Variants in SEPTIN12 observed in about 807,000 individuals in gnomAD.
The protein encoded by SEPTIN12 is septin-12.
A neutral mutation model predicts 37.7 loss-of-function variants in SEPTIN12; 42 were observed. The ratio of observed to expected loss-of-function variants is 1.11; its 90% CI spans 0.87 to 1.44. The LOEUF (loss-of-function observed/expected upper bound fraction) is 1.44, where lower values mean the gene tolerates loss of function less well. Among genes scored for constraint, SEPTIN12 ranks in the 40% most tolerant of loss-of-function variants. The pLI, the probability that SEPTIN12 is intolerant of heterozygous loss-of-function variation, is 0.00. For synonymous variants in SEPTIN12, 254 were observed against 196.7 expected, an observed-to-expected ratio of 1.29 and a Z score of -2.44; for missense variants, 613 against 479.2, an observed-to-expected ratio of 1.28 and a Z score of -2.61.
chr16:4,788,715 T>A (rs1035804061), upstream of SEPTIN12: 1 of 152,238 alleles, frequency 6.6e-6, no homozygotes, highest in Non-Finnish European at 1.5e-5. Context: ...ACTCTGCACA[T>A]GGCATCGTTC....
At chr16:4,784,365 A>C in intron 4 of SEPTIN12, 1 of 383,728 alleles carries the variant, frequency 2.6e-6, no homozygotes, top group Non-Finnish European at 4.9e-6. Flanking sequence ...GCTGGGCCCA[A>C]ACCACCAAGG....
upstream of SEPTIN12, chr16:4,789,884 TTTTC>T (rs1567580202): frequency 6.6e-6 from 1 of 152,032 alleles, no homozygotes; most frequent in African/African-American, 2.4e-5. Flanking sequence ...TCTCTTTCTT[TTTTC>T]TTTCTTTTCT....
chr16:4,788,614 G>A (rs1300992787), upstream of SEPTIN12: 1 of 152,212 alleles, frequency 6.6e-6, no homozygotes, highest in Non-Finnish European at 1.5e-5. Flanking sequence ...TGGCTAGCGG[G>A]ATATCCGTGT....
intron 2 of SEPTIN12, 128 bp from the exon 3 acceptor site, chr16:4,786,233 A>ATGTCACCCAGGCTGGAG: frequency 8.3e-7 from 1 of 1,205,720 alleles, no homozygotes; most frequent in South Asian, 1.6e-5. Context: ...GAGTGCAATG[A>ATGTCACCCAGGCTGGAG]TGCAATCCCC....
chr16:4,781,405 C>A (rs2082370171), intron 7 of SEPTIN12, among the ~76,000 whole-genome samples: 1 of 151,928 alleles, frequency 6.6e-6, no homozygotes, highest in Non-Finnish European at 1.5e-5. Context: ...TCATCACGTC[C>A]CCCCAAAAAA....
rs545892006 is a variant in SEPTIN12 at position 4,787,604 on chromosome 16, C to T, written c.42G>A (p.Ser14=). The T allele has an allele frequency of 1.9e-5, 31 of 1,603,726 alleles. No homozygotes were observed. The highest frequency in any genetic ancestry group is 8.3e-5 in the Admixed American group (5 of 59,928). ...GTGGGGTGCTGGGGCTGGAGGGCTG[C>T]GAGGACAGGCAGGGAGAGGGGGAGC... ...LRRSPSPCLS[S]QPSSPSTPPC... Residue 14 remains serine (S), a synonymous_variant, in exon 2 of 10, where the codon TCG becomes TCA. Transcript: ENST00000268231.
chr16:4,786,012 G>C lies in SEPTIN12; in HGVS notation c.260C>G (p.Pro87Arg). The C allele has an allele frequency of 1.2e-6, 2 of 1,613,766 alleles. No individual in the cohort carries two copies. The highest frequency in any genetic ancestry group is 1.7e-6 in the Non-Finnish European group (2 of 1,179,900). The change falls in exon 3 of 10, where the codon CCC becomes CGC. Residue 87 changes from proline (P) to arginine (R), a missense_variant. Transcript: ENST00000268231. ...SNPPGLGVPT[P>R]QTLQLHSLTH... ...CAGTGAATGCAGCTGCAGCGTCTGG[G>C]GTGTGGGCACCCCCAAGCCCGGTGG...
rs12443636 is a variant in SEPTIN12, at chr16:4,784,341, A to G, written c.375-273T>C. On this transcript the variant is annotated intron_variant, in intron 4 of 9. Transcript: ENST00000268231. ...TAAGGGAGGGGTGAGCATTAACTGTATTAAAGGGCCACAGCTGGGCCCAAA... is the reference window on the plus strand; with the variant it reads ...TAAGGGAGGGGTGAGCATTAACTGTGTTAAAGGGCCACAGCTGGGCCCAAA... 0.26 allele frequency: 116,960 copies of G among 443,388 alleles called. 16,492 individuals carry two copies. Among genetic ancestry groups the G allele is most frequent in the South Asian group, 0.4 (14,889 of 37,298 alleles). The allele number at this position is 443,388 out of a possible 1,614,324, so 27.5% of individuals were successfully genotyped here.
chr16:4,785,981 A>C lies in SEPTIN12; in HGVS notation c.291T>G (p.His97Gln). 1.9e-6 allele frequency: 3 copies of C among 1,612,920 alleles called. No individual in the cohort carries two copies. Among genetic ancestry groups the C allele is most frequent in the South Asian group, 1.1e-5 (1 of 90,998 alleles). Residue 97 changes from histidine (H) to glutamine (Q), a missense_variant and splice_region_variant, in exon 3 of 10, where the codon CAT becomes CAG. His to Gln is a conservative substitution (Grantham distance 24, BLOSUM62 0). Transcript: ENST00000268231. ...PQTLQLHSLT[H>Q]VIEEKGVKLK... ...AGGTGTGGGCAGGGGCTCACTCACC[A>C]TGGGTCAGTGAATGCAGCTGCAGCG...
At chr16:4,785,510 A>C (rs2082427165) in intron 4 of SEPTIN12, among the ~76,000 whole-genome samples, 1 of 152,080 alleles carries the variant, frequency 6.6e-6, no homozygotes, top group Non-Finnish European at 1.5e-5. Flanking sequence ...ACAGTGGCTC[A>C]TGCCTGTAAT....
intron 4 of SEPTIN12, 65 bp downstream of exon 4, chr16:4,785,742 C>T (rs2082430240): frequency 2.5e-6 from 3 of 1,181,406 alleles, no homozygotes; most frequent in African/African-American, 1.5e-5. Context: ...CATGCCATTG[C>T]ACTCCAGCCT....
At chr16:4,785,119 G>T (rs755826332) in intron 4 of SEPTIN12, among the ~76,000 whole-genome samples, 1 of 151,864 alleles carries the variant, frequency 6.6e-6, no homozygotes, top group Non-Finnish European at 1.5e-5. Flanking sequence ...GCGTGTTGGC[G>T]GATGTCTGTA....
chr16:4,778,737 T>C (rs2082340474), intron 8 of SEPTIN12, among the ~76,000 whole-genome samples: 1 of 151,906 alleles, frequency 6.6e-6, no homozygotes, highest in African/African-American at 2.4e-5. Flanking sequence ...GAGGCGGAAG[T>C]TGCAGTGAGC....
intron 6 of SEPTIN12, 40 bp downstream of exon 6, chr16:4,783,609 G>GC: frequency 6.2e-7 from 1 of 1,610,064 alleles, no homozygotes; most frequent in Non-Finnish European, 8.5e-7. Context: ...TCTGCCCTCT[G>GC]CCCCCGCTGA....
intron 8 of SEPTIN12, among the ~76,000 whole-genome samples, chr16:4,778,431 G>A (rs1202644257): frequency 1.3e-5 from 2 of 152,226 alleles, no homozygotes; most frequent in African/African-American, 2.4e-5. Flanking sequence ...TTGAGCATCT[G>A]CCGATTTTGG....
chr16:4,787,005 G>C (rs145150279), intron 2 of SEPTIN12, among the ~76,000 whole-genome samples: 1 of 151,488 alleles, frequency 6.6e-6, no homozygotes, highest in African/African-American at 2.4e-5. Flanking sequence ...CTCCTAAGTA[G>C]CTCCTAAGTA....
chr16:4,790,358 A>T (rs371371976), upstream of SEPTIN12, among the ~76,000 whole-genome samples: 2 of 152,232 alleles, frequency 1.3e-5, no homozygotes, highest in East Asian at 3.8e-4. Flanking sequence ...AACCGTATTC[A>T]CAGAAGAAAG....
At chr16:4,784,361 C>T in intron 4 of SEPTIN12, 1 of 389,648 alleles carries the variant, frequency 2.6e-6, no homozygotes, top group Admixed American at 3.6e-5. Flanking sequence ...CACAGCTGGG[C>T]CCAAACCACC....
intron 8 of SEPTIN12, among the ~76,000 whole-genome samples, chr16:4,779,356 C>A (rs983435516): frequency 6.6e-6 from 1 of 152,098 alleles, no homozygotes; most frequent in African/African-American, 2.4e-5. Flanking sequence ...CTGCACATAG[C>A]GGTGCCTGAT....
Sources: allele counts gnomAD v4.1 joint callset (sites outside exome capture counted in the v4.1 genomes callset), GRCh38; gene constraint gnomAD v4.1.1; transcripts MANE v1.5; gene names NCBI Gene and HGNC (gene_info 2026-07-23, HGNC 2026-07-21).